The following CELA2A variants were observed in gnomAD, a reference collection of about 807,000 sequenced individuals.
CELA2A encodes the protein chymotrypsin-like elastase family member 2A.
CELA2A carries 31 observed loss-of-function variants against 35.3 expected under a neutral mutation model. The ratio of observed to expected loss-of-function variants is 0.88; its 90% confidence interval spans 0.66 to 1.19. The LOEUF (loss-of-function observed/expected upper bound fraction) is 1.19, where lower values mean the gene tolerates loss of function less well. CELA2A is among the 50% of genes most tolerant of loss of function. The probability of loss-of-function intolerance (pLI) is 0.00; values close to 1 mark genes in which losing one functional copy is unlikely to be tolerated. For missense variants in CELA2A, 330 were observed against 352.9 expected, an observed-to-expected ratio of 0.94 and a Z score of 0.52; for synonymous variants, 150 against 149.8, an observed-to-expected ratio of 1.00 and a Z score of -0.01.
Position 15,456,770 on chromosome 1 carries a change from T to C in CELA2A, c.17T>C (p.Leu6Pro). The C allele has an allele frequency of 6.2e-7, 1 of 1,614,226 alleles. No homozygotes were observed. The highest frequency in any genetic ancestry group is 8.5e-7 in the Non-Finnish European group (1 of 1,180,032). The change falls in exon 1 of 8, where the codon CTG becomes CCG. Residue 6 changes from leucine (L) to proline (P), a missense_variant. Coordinates refer to ENST00000359621, the MANE Select transcript of CELA2A (RefSeq NM_033440.3). ...GGACACACCATGATAAGGACGCTGC[T>C]GCTGTCCACTTTGGTGGCTGGAGGT... Reference protein sequence around the residue: MIRTLLLSTLVAGALS... With the variant: MIRTLPLSTLVAGALS...
At chr1:15,464,855 G>A (rs748982747) in intron 5 of CELA2A, among the ~76,000 whole-genome samples, 17 of 152,232 alleles carry the variant, frequency 1.1e-4, no homozygotes, top group Admixed American at 2.6e-4. Flanking sequence ...AGCCACTTCC[G>A]AACCTCAGTT....
intron 4 of CELA2A, chr1:15,463,140 G>A (rs1708462925): frequency 4.2e-6 from 3 of 719,018 alleles, no homozygotes; most frequent in East Asian, 2.7e-5. Context: ...CTTCATGCCA[G>A]GTCCTGGGGA....
intron 7 of CELA2A, among the ~76,000 whole-genome samples, chr1:15,469,086 G>A (rs1424200979): frequency 6.6e-6 from 1 of 152,150 alleles, no homozygotes; most frequent in Non-Finnish European, 1.5e-5. Context: ...GCTGAGGCAG[G>A]GGAATCACTT....
At position 15,461,645 on chromosome 1, in the gene CELA2A, G is replaced by A. The variant is rs1294349698; in HGVS notation, c.214G>A (p.Ala72Thr). ...AGCCAACAGCTGGGTCCTGACGGCT[G>A]CCCACTGCATCAGGTAACTGCCTTT... The part of the protein sequence containing the change: ...LIANSWVLTA[A>T]HCISSSRTYR... Residue 72 changes from alanine to threonine, a missense_variant, in exon 3 of 8, where the codon GCC becomes ACC. By Grantham distance (58) the Ala-to-Thr change is moderately conservative. Coordinates refer to ENST00000359621, the MANE Select transcript of CELA2A (RefSeq NM_033440.3). 2 of 1,613,828 alleles carry A rather than the reference G, an allele frequency of 1.2e-6. No homozygotes were observed. The highest frequency in any genetic ancestry group is 1.7e-6 in the Non-Finnish European group (2 of 1,180,050).
intron 7 of CELA2A, among the ~76,000 whole-genome samples, chr1:15,469,387 C>T (rs890749961): frequency 7.2e-5 from 11 of 152,122 alleles, no homozygotes; most frequent in Admixed American, 2.6e-4. Context: ...TTATGGTATT[C>T]GTGGCAGAGC....
chr1:15,467,521 A>G lies in CELA2A; in HGVS notation c.775A>G (p.Ile259Val). Residue 259 changes from isoleucine (I) to valine (V), a missense_variant, in exon 7 of 8, where the codon ATC becomes GTC. Physicochemically the swap from Ile to Val is conservative, Grantham distance 29 (BLOSUM62 3). Coordinates refer to ENST00000359621, the MANE Select transcript of CELA2A (RefSeq NM_033440.3). Reference sequence around the variant, plus strand: ...CGTCTTCACGCGGGTCTCCAATTACATCGACTGGATCAATTCGGTAAGAAC... The same window carrying G: ...CGTCTTCACGCGGGTCTCCAATTACGTCGACTGGATCAATTCGGTAAGAAC... ...PSVFTRVSNY[I>V]DWINSVIANN 1.9e-6 allele frequency: 3 copies of G among 1,614,106 alleles called. 1 individual carries two copies. Among genetic ancestry groups the G allele is most frequent in the Non-Finnish European group, 2.5e-6 (3 of 1,180,026 alleles).
chr1:15,456,920 T>C lies in CELA2A; in HGVS notation c.40+127T>C, dbSNP rs189931957. 1.4e-4 allele frequency: 184 copies of C among 1,357,306 alleles called. 1 individual carries two copies. In the East Asian group the frequency reaches 3.0e-3, roughly 22 times the overall value. The allele number at this position is 1,357,306 out of a possible 1,614,324, so 84.1% of individuals were successfully genotyped here. A position where few individuals can be genotyped will look rare whatever the true frequency, so the allele number is the denominator to read the frequency against. On this transcript the variant is annotated intron_variant, in intron 1 of 7. Coordinates refer to ENST00000359621, the MANE Select transcript of CELA2A (RefSeq NM_033440.3). ...ATTCAGACCTATAATCATAAGAACA[T>C]TGGAATGGAGTTTCAAAGAATTGGA...
chr1:15,464,743 C>T (rs1328555667), intron 5 of CELA2A, among the ~76,000 whole-genome samples: 4 of 152,132 alleles, frequency 2.6e-5, no homozygotes, highest in Non-Finnish European at 5.9e-5. Flanking sequence ...CCCCAGACAA[C>T]CCTGGGGCAG....
intron 2 of CELA2A, among the ~76,000 whole-genome samples, chr1:15,461,265 T>C (rs1190644584): frequency 1.3e-5 from 2 of 152,034 alleles, no homozygotes; most frequent in Non-Finnish European, 2.9e-5. Context: ...TTTCACCATG[T>C]TGCCCAGGCT....
Position 15,462,776 on chromosome 1 carries a change from T to C in CELA2A, c.271T>C (p.Tyr91His), listed in dbSNP as rs753395373. Reference protein sequence around the residue: ...YRVGLGRHNLYVAESGSLAVS... With the variant: ...YRVGLGRHNLHVAESGSLAVS... ...CGTGGGGCTGGGCCGGCACAACCTC[T>C]ACGTTGCGGAGTCCGGCTCGCTGGC... Residue 91 changes from tyrosine (Y) to histidine (H), a missense_variant, in exon 4 of 8, where the codon TAC (tyrosine) becomes CAC (histidine). Coordinates refer to ENST00000359621, the MANE Select transcript of CELA2A (RefSeq NM_033440.3). 6.2e-7 allele frequency: 1 copy of C among 1,614,128 alleles called. No individual in the cohort carries two copies. Among genetic ancestry groups the C allele is most frequent in the Non-Finnish European group, 8.5e-7 (1 of 1,180,004 alleles).
chr1:15,456,838 G>T (rs1570793618), intron 1 of CELA2A, 45 bp downstream of exon 1: 1 of 1,613,650 alleles, frequency 6.2e-7, no homozygotes, highest in Non-Finnish European at 8.5e-7. Context: ...TGCCCTGGTG[G>T]GGCTGGAAAT....
intron 6 of CELA2A, 138 bp from the exon 7 acceptor site, chr1:15,467,248 C>T: frequency 1.2e-6 from 1 of 825,910 alleles, no homozygotes; most frequent in Non-Finnish European, 2.0e-6. Flanking sequence ...TATGGTACCA[C>T]CTTGGGCTAT....
At position 15,467,557 on chromosome 1, in the gene CELA2A, C is replaced by T. The variant is rs144243907; in HGVS notation, c.792+19C>T. The T allele has an allele frequency of 1.3e-3, 2,148 of 1,613,096 alleles. 26 individuals carry two copies. In the African/African-American group the frequency reaches 0.026, roughly 19 times the overall value. ...CAATTCGGTAAGAACCGGACCAGCC[C>T]TGAGCCCCAAGGCACTACCCTGCTC... On this transcript the variant is annotated intron_variant, in intron 7 of 7. Transcript: ENST00000359621.
intron 3 of CELA2A, chr1:15,461,896 A>G (rs1570796953): frequency 1.5e-6 from 1 of 683,752 alleles, no homozygotes; most frequent in Non-Finnish European, 2.7e-6. Flanking sequence ...AGAGGAGGGG[A>G]AGGCCCAATC....
rs1363762577 is a variant in CELA2A, at chr1:15,456,981, T to G, written c.41-105T>G. The G allele has an allele frequency of 3.0e-6, 4 of 1,320,902 alleles. No individual in the cohort carries two copies. In the East Asian group the frequency reaches 9.5e-5, roughly 31 times the overall value. The allele number at this position is 1,320,902 out of a possible 1,614,324, so 81.8% of individuals were successfully genotyped here. A position where few individuals can be genotyped will look rare whatever the true frequency, so the allele number is the denominator to read the frequency against. The stretch of plus-strand genomic sequence containing the variant: ...GGATTCTATGACCTCTTGGGATCCT[T>G]CTAGAACAAGGGTTTTCTATTTGGG... On this transcript the variant is annotated intron_variant, in intron 1 of 7. Transcript: ENST00000359621.
intron 6 of CELA2A, 54 bp downstream of exon 6, chr1:15,466,198 G>A: frequency 6.3e-7 from 1 of 1,588,022 alleles, no homozygotes; most frequent in Non-Finnish European, 8.6e-7. Context: ...CTGGGGATAA[G>A]GCTATAGAGG....
intron 2 of CELA2A, among the ~76,000 whole-genome samples, chr1:15,458,734 G>A (rs111778267): frequency 0.013 from 1,974 of 151,914 alleles, 33 homozygotes; most frequent in Middle Eastern, 0.055. Context: ...CCAACATGGT[G>A]AAACTCTGCC....
At chr1:15,465,806 C>T (rs1336166783) in intron 5 of CELA2A, 193 bp from the exon 6 acceptor site, 9 of 630,026 alleles carry the variant, frequency 1.4e-5, no homozygotes, top group Middle Eastern at 4.5e-4. Context: ...GGGGAGGGAG[C>T]TCATTGGCTT....
At chr1:15,466,696 A>C (rs893968216) in intron 6 of CELA2A, among the ~76,000 whole-genome samples, 32 of 152,104 alleles carry the variant, frequency 2.1e-4, no homozygotes. Context: ...CGTGACTGTC[A>C]CTATGTATCC....
Sources: allele counts gnomAD v4.1 joint callset (sites outside exome capture counted in the v4.1 genomes callset), GRCh38; gene constraint gnomAD v4.1.1; transcripts MANE v1.5; gene names NCBI Gene and HGNC (gene_info 2026-07-23, HGNC 2026-07-21).